Variants in SNX24 observed in about 807,000 individuals in gnomAD.
SNX24 encodes the protein sorting nexin-24.
In SNX24, 22 loss-of-function variants were observed where a neutral mutation model predicts 28.7. The observed-to-expected ratio is 0.77, with a 90% CI of 0.55 to 1.10. The LOEUF is 1.10. Ranked by LOEUF, SNX24 falls within the 50% of genes least tolerant of loss-of-function variation. The probability of loss-of-function intolerance (pLI) is 0.00; values close to 1 mark genes in which losing one functional copy is unlikely to be tolerated. For synonymous variants in SNX24, 69 were observed against 71.5 expected (o/e 0.96, Z 0.18); for missense variants, 221 against 201.1 (o/e 1.10, Z -0.60).
chr5:123,003,440 T>C (rs1475490496), intron 6 of SNX24, among the ~76,000 whole-genome samples: 1 of 152,188 alleles, frequency 6.6e-6, no homozygotes, highest in Non-Finnish European at 1.5e-5. Flanking sequence ...TGCAATCTAA[T>C]ATAGATTAAA....
intron 4 of SNX24, among the ~76,000 whole-genome samples, chr5:123,001,190 A>T (rs879535890): frequency 1.3e-5 from 2 of 152,224 alleles, no homozygotes; most frequent in Non-Finnish European, 2.9e-5. Context: ...GAGGATTTTT[A>T]AGTAATCTTA....
chr5:122,950,759 G>A (rs1308483915), intron 3 of SNX24, among the ~76,000 whole-genome samples: 3 of 152,156 alleles, frequency 2.0e-5, no homozygotes, highest in Non-Finnish European at 4.4e-5. Flanking sequence ...GGGAGAAGGG[G>A]TGATTTCCCT....
intron 1 of SNX24, among the ~76,000 whole-genome samples, chr5:122,849,944 T>C (rs1478454371): frequency 6.6e-6 from 1 of 152,150 alleles, no homozygotes; most frequent in Non-Finnish European, 1.5e-5. Flanking sequence ...GGTGGAGGGT[T>C]GTGCTGCAGA....
intron 1 of SNX24, among the ~76,000 whole-genome samples, chr5:122,846,839 C>G (rs1229364816): frequency 6.6e-6 from 1 of 152,112 alleles, no homozygotes; most frequent in African/African-American, 2.4e-5. Context: ...GGAGAGGGAG[C>G]TGTGTTCCAT....
At chr5:122,897,695 A>G (rs1218378365) in intron 1 of SNX24, among the ~76,000 whole-genome samples, 6 of 152,220 alleles carry the variant, frequency 3.9e-5, no homozygotes, top group Non-Finnish European at 7.3e-5. Flanking sequence ...GGACTTTTTT[A>G]ACCAGTATTT....
intron 2 of SNX24, among the ~76,000 whole-genome samples, chr5:122,940,973 A>G (rs1003683620): frequency 3.9e-5 from 6 of 152,104 alleles, no homozygotes; most frequent in East Asian, 1.9e-4. Context: ...GGCCTCTTTC[A>G]TCTTCAAAGC....
At chr5:122,893,819 G>A (rs777330786) in intron 1 of SNX24, among the ~76,000 whole-genome samples, 1 of 152,142 alleles carries the variant, frequency 6.6e-6, no homozygotes, top group Non-Finnish European at 1.5e-5. Flanking sequence ...CAAGGCGGGC[G>A]ATCACTTGAG....
At chr5:122,974,929 T>G (rs1169557861) in intron 3 of SNX24, among the ~76,000 whole-genome samples, 1 of 152,192 alleles carries the variant, frequency 6.6e-6, no homozygotes, top group Non-Finnish European at 1.5e-5. Context: ...AATTCTGCAT[T>G]CTGGCATTGG....
chr5:122,906,900 G>A (rs774966121), intron 1 of SNX24, among the ~76,000 whole-genome samples: 2 of 152,176 alleles, frequency 1.3e-5, no homozygotes, highest in Non-Finnish European at 2.9e-5. Context: ...GGCAGGATTC[G>A]AGCCCCAGCA....
intron 5 of SNX24, chr5:123,028,411 G>T (rs1561750077): frequency 1.7e-5 from 3 of 179,332 alleles, no homozygotes; most frequent in East Asian, 2.9e-4. Flanking sequence ...GCCCACCTCT[G>T]CCGCACGCTG....
At chr5:122,851,280 T>C (rs1400821192) in intron 1 of SNX24, among the ~76,000 whole-genome samples, 1 of 152,102 alleles carries the variant, frequency 6.6e-6, no homozygotes, top group Non-Finnish European at 1.5e-5. Flanking sequence ...TTCTCCTGCC[T>C]CAGCCTCCCA....
intron 1 of SNX24, among the ~76,000 whole-genome samples, chr5:122,904,307 C>A (rs930981341): frequency 6.6e-6 from 1 of 152,108 alleles, no homozygotes; most frequent in Non-Finnish European, 1.5e-5. Flanking sequence ...CTCAGCCTCC[C>A]CAGTAGCTGG....
chr5:122,997,327 T>G (rs1762084026), intron 3 of SNX24, among the ~76,000 whole-genome samples: 1 of 152,180 alleles, frequency 6.6e-6, no homozygotes. Flanking sequence ...AAATATTATT[T>G]GAGAATATTC....
At chr5:122,870,863 T>C (rs1755942929) in intron 1 of SNX24, among the ~76,000 whole-genome samples, 2 of 152,144 alleles carry the variant, frequency 1.3e-5, no homozygotes, top group South Asian at 4.1e-4. Flanking sequence ...GGATGGCACA[T>C]TGGAACACCA....
intron 1 of SNX24, among the ~76,000 whole-genome samples, chr5:122,868,487 C>G (rs557817926): frequency 1.9e-4 from 29 of 152,148 alleles, no homozygotes; most frequent in African/African-American, 7.0e-4. Context: ...TTCTAAGAAC[C>G]AGCATTGCAC....
chr5:122,935,592 C>G (rs1216201085), intron 1 of SNX24, among the ~76,000 whole-genome samples: 1 of 152,052 alleles, frequency 6.6e-6, no homozygotes, highest in Non-Finnish European at 1.5e-5. Context: ...GTTTCTGATT[C>G]AAAGAAGCAC....
At chr5:122,999,455 TACACACACACACAC>T (rs71928842) in intron 3 of SNX24, among the ~76,000 whole-genome samples, 1 of 149,748 alleles carries the variant, frequency 6.7e-6, no homozygotes, top group Admixed American at 6.6e-5. Flanking sequence ...TGTGGGGAGA[TACACACACACACAC>T]ACACACACAT....
chr5:122,893,781 C>T (rs533943810), intron 1 of SNX24, among the ~76,000 whole-genome samples: 85 of 152,240 alleles, frequency 5.6e-4, no homozygotes, highest in African/African-American at 1.2e-3. Flanking sequence ...CAGTGGCTCA[C>T]GCCTGTAATC....
At chr5:122,971,237 C>T (rs575956531) in intron 3 of SNX24, among the ~76,000 whole-genome samples, 8 of 152,344 alleles carry the variant, frequency 5.3e-5, no homozygotes, top group Admixed American at 4.6e-4. Context: ...AAGATGAAGA[C>T]TGGAAGACTC....
Sources: gnomAD v4.1 joint callset for allele counts (sites outside exome capture counted in the v4.1 genomes callset) on GRCh38, gnomAD v4.1.1 for gene constraint, MANE v1.5 for transcripts, NCBI Gene and HGNC (gene_info 2026-07-23, HGNC 2026-07-21) for gene names.